B3GLCT: variants seen among roughly 807,000 people sequenced by gnomAD.
B3GLCT encodes the protein beta-1,3-glucosyltransferase.
B3GLCT carries 65 observed loss-of-function variants against 63.4 expected under a neutral mutation model. The ratio of observed to expected loss-of-function variants is 1.03; its 90% CI spans 0.84 to 1.26. The LOEUF is 1.26. B3GLCT is among the 50% of genes most tolerant of loss of function. The pLI, the probability that B3GLCT is intolerant of heterozygous loss-of-function variation, is 0.00. For missense variants in B3GLCT, 577 were observed against 604.8 expected (o/e 0.95, Z 0.48); for synonymous variants, 233 against 219.2 (o/e 1.06, Z -0.55).
chr13:31,313,789 A>C (rs1265136468), intron 12 of B3GLCT, among the ~76,000 whole-genome samples: 1 of 152,218 alleles, frequency 6.6e-6, no homozygotes, highest in Admixed American at 6.5e-5. Flanking sequence ...AGGTCATGTC[A>C]GAGACCTTCG....
At chr13:31,287,139 G>C (rs1873374753) in intron 12 of B3GLCT, among the ~76,000 whole-genome samples, 1 of 152,138 alleles carries the variant, frequency 6.6e-6, no homozygotes, top group African/African-American at 2.4e-5. Flanking sequence ...AGACTCTGTG[G>C]GCGGAAAAGA....
intron 8 of B3GLCT, 104 bp from the exon 9 acceptor site, chr13:31,274,405 C>G: frequency 6.9e-7 from 1 of 1,457,604 alleles, no homozygotes; most frequent in South Asian, 1.1e-5. Context: ...TCAGCCTACT[C>G]TCTATGGAAG....
At chr13:31,327,703 A>G (rs1875703317) in intron 14 of B3GLCT, among the ~76,000 whole-genome samples, 1 of 152,228 alleles carries the variant, frequency 6.6e-6, no homozygotes, top group South Asian at 2.1e-4. Flanking sequence ...AACGTCGTAT[A>G]ATAAATGAAT....
At chr13:31,213,548 T>C (rs1427981139) in intron 1 of B3GLCT, among the ~76,000 whole-genome samples, 14 of 151,014 alleles carry the variant, frequency 9.3e-5, no homozygotes, top group African/African-American at 3.4e-4. Flanking sequence ...GATTGTGCCA[T>C]TGCAGTCTAG....
chr13:31,270,946 C>A (rs1872552853), intron 8 of B3GLCT, among the ~76,000 whole-genome samples: 2 of 152,134 alleles, frequency 1.3e-5, no homozygotes, highest in South Asian at 2.1e-4. Flanking sequence ...GAGAGGGGGT[C>A]CTGTCAGCAG....
chr13:31,296,135 G>A (rs184667559), intron 12 of B3GLCT, among the ~76,000 whole-genome samples: 151 of 152,238 alleles, frequency 9.9e-4, no homozygotes, highest in African/African-American at 3.5e-3. Context: ...CCCTCTGTGG[G>A]CTCCACCCAC....
intron 10 of B3GLCT, among the ~76,000 whole-genome samples, chr13:31,282,086 T>C (rs1006810444): frequency 6.6e-6 from 1 of 152,218 alleles, no homozygotes; most frequent in Non-Finnish European, 1.5e-5. Flanking sequence ...ATAGGAAGTA[T>C]ACTTCTTTAT....
At chr13:31,231,228 G>A (rs906747032) in intron 4 of B3GLCT, among the ~76,000 whole-genome samples, 1 of 152,014 alleles carries the variant, frequency 6.6e-6, no homozygotes, top group Non-Finnish European at 1.5e-5. Flanking sequence ...TCCCTCAGGT[G>A]GATCCAGGGA....
chr13:31,299,505 A>G (rs1289396770), intron 12 of B3GLCT, among the ~76,000 whole-genome samples: 3 of 152,110 alleles, frequency 2.0e-5, no homozygotes, highest in Non-Finnish European at 2.9e-5. Context: ...GGCCACTAGC[A>G]CCAGTCTCTG....
intron 4 of B3GLCT, among the ~76,000 whole-genome samples, chr13:31,238,938 G>A (rs1403311715): frequency 1.3e-5 from 2 of 152,192 alleles, no homozygotes; most frequent in African/African-American, 2.4e-5. Context: ...TTGAGTTGAC[G>A]CTGTGCTAAT....
At chr13:31,283,606 A>G (rs1873175996) in intron 10 of B3GLCT, among the ~76,000 whole-genome samples, 1 of 151,432 alleles carries the variant, frequency 6.6e-6, no homozygotes, top group Admixed American at 6.6e-5. Flanking sequence ...AGTTTTTTTA[A>G]AAAAAAAGCC....
intron 1 of B3GLCT, among the ~76,000 whole-genome samples, chr13:31,200,724 T>C (rs1296573043): frequency 1.3e-5 from 2 of 151,978 alleles, no homozygotes; most frequent in Non-Finnish European, 2.9e-5. Context: ...CCGCAGGGCC[T>C]TCGGGACGTG....
chr13:31,271,338 A>G lies in B3GLCT; in HGVS notation c.660+2061A>G, dbSNP rs1460863287. ...TTTACTTTCTATAGTAGTCTCCCAT[A>G]TGACCATAATAATTTATTTATCCGT... On this transcript the variant is annotated intron_variant, in intron 8 of 14. Transcript: ENST00000343307. Among the ~76,000 whole-genome samples the G allele has an allele frequency of 2.6e-5, 4 of 152,200 alleles. No individual in the cohort carries two copies. In the South Asian group the frequency reaches 8.3e-4, roughly 32 times the overall value.
At chr13:31,268,939 A>G (rs554555144) in intron 7 of B3GLCT, among the ~76,000 whole-genome samples, 1 of 152,172 alleles carries the variant, frequency 6.6e-6, no homozygotes, top group Non-Finnish European at 1.5e-5. Flanking sequence ...AACAAAGCTT[A>G]TGACTTTTTT....
At position 31,269,649 on chromosome 13, in the gene B3GLCT, CT is replaced by C. The variant is rs200651030; in HGVS notation, c.660+373del. Among the ~76,000 whole-genome samples, 348 of 146,978 alleles carry C rather than the reference CT, an allele frequency of 2.4e-3. 2 individuals carry two copies. The highest frequency in any genetic ancestry group is 6.9e-3 in the African/African-American group (274 of 39,744). ...ATTGAATGATCATGTCCCCGCCCCC[CT>C]AATTCATACCTTGAAACCTGAGCCC... On this transcript the variant is annotated intron_variant, in intron 8 of 14. Coordinates refer to ENST00000343307, the MANE Select transcript of B3GLCT (RefSeq NM_194318.4).
At chr13:31,281,113 T>C (rs1355682796) in intron 10 of B3GLCT, among the ~76,000 whole-genome samples, 1 of 152,200 alleles carries the variant, frequency 6.6e-6, no homozygotes, top group Non-Finnish European at 1.5e-5. Flanking sequence ...ATGTCTCATG[T>C]ACCTCGTGGC....
At chr13:31,276,860 A>AATGTCAAGGATACCAAACATATTTCCG in intron 10 of B3GLCT, 89 bp downstream of exon 10, 1 of 943,670 alleles carries the variant, frequency 1.1e-6, no homozygotes, top group Non-Finnish European at 1.7e-6. Flanking sequence ...GTGTAAATTC[A>AATGTCAAGGATACCAAACATATTTCCG]GAAAAGGGAT....
At chr13:31,227,520 G>A (rs186902458) in intron 3 of B3GLCT, among the ~76,000 whole-genome samples, 37 of 152,158 alleles carry the variant, frequency 2.4e-4, no homozygotes, top group African/African-American at 8.4e-4. Flanking sequence ...CCGAGAAGCT[G>A]GTTTAAAATA....
At chr13:31,300,788 T>A (rs1040956476) in intron 12 of B3GLCT, among the ~76,000 whole-genome samples, 2 of 152,198 alleles carry the variant, frequency 1.3e-5, no homozygotes, top group African/African-American at 2.4e-5. Flanking sequence ...GTGTCAAATC[T>A]TGTGACCTCT....
Sources: gnomAD v4.1 joint callset for allele counts (sites outside exome capture counted in the v4.1 genomes callset) on GRCh38, gnomAD v4.1.1 for gene constraint, MANE v1.5 for transcripts, NCBI Gene and HGNC (gene_info 2026-07-23, HGNC 2026-07-21) for gene names.